THSD7A: variants seen among roughly 807,000 people sequenced by gnomAD.
THSD7A encodes thrombospondin type 1 domain containing 7A, also known as thrombospondin type-1 domain-containing protein 7A.
Under a neutral mutation model 231.3 loss-of-function variants are expected in THSD7A, and 96 were observed. The ratio of observed to expected loss-of-function variants is 0.41; its 90% CI spans 0.35 to 0.49. THSD7A has a LOEUF of 0.49. THSD7A is among the 20% of genes least tolerant of loss of function. THSD7A has a pLI of 0.05. For missense variants in THSD7A, 2,290 were observed against 2,070.2 expected (o/e 1.11, Z -2.06); for synonymous variants, 940 against 743.3 (o/e 1.26, Z -4.30).
intron 4 of THSD7A, among the ~76,000 whole-genome samples, chr7:11,554,852 T>A (rs1008130713): frequency 6.6e-6 from 1 of 151,948 alleles, no homozygotes; most frequent in East Asian, 1.9e-4. Context: ...GATTTTTTTA[T>A]TCTTCCCATG....
rs539595082 is a variant in THSD7A at position 11,542,139 on chromosome 7, C to A, written c.1610-508G>T. On this transcript the variant is annotated intron_variant, in intron 5 of 27. Coordinates refer to ENST00000423059, the MANE Select transcript of THSD7A (RefSeq NM_015204.3). ...AGTTGGATGGTTCCAGAGAAACAAT[C>A]TCTTTGAGGTTCAGTTGATTTTAGA... 2.0e-5 allele frequency among the ~76,000 whole-genome samples: 3 copies of A among 152,292 alleles called. No homozygotes were observed. In the South Asian group the frequency reaches 6.2e-4, roughly 32 times the overall value.
At chr7:11,404,898 C>A (rs996668427) in intron 22 of THSD7A, among the ~76,000 whole-genome samples, 2 of 152,024 alleles carry the variant, frequency 1.3e-5, no homozygotes, top group Non-Finnish European at 2.9e-5. Context: ...AACTTATTCA[C>A]CTTGCATAGC....
intron 2 of THSD7A, among the ~76,000 whole-genome samples, chr7:11,606,039 C>T (rs1176197764): frequency 6.6e-6 from 1 of 152,120 alleles, no homozygotes; most frequent in East Asian, 1.9e-4. Flanking sequence ...GGAAGTCCCA[C>T]TAGTGCAGTG....
At chr7:11,768,888 C>G (rs1204221922) in intron 1 of THSD7A, among the ~76,000 whole-genome samples, 1 of 151,344 alleles carries the variant, frequency 6.6e-6, no homozygotes, top group African/African-American at 2.4e-5. Flanking sequence ...CCAAGCATGC[C>G]ACTCCTTTAT....
At chr7:11,499,786 GAT>G (rs1787256834) in intron 6 of THSD7A, among the ~76,000 whole-genome samples, 1 of 152,138 alleles carries the variant, frequency 6.6e-6, no homozygotes, top group South Asian at 2.1e-4. Flanking sequence ...ATTAAAAAGG[GAT>G]AATCAAAACA....
chr7:11,458,279 A>G (rs1583779304), intron 11 of THSD7A, among the ~76,000 whole-genome samples: 2 of 152,110 alleles, frequency 1.3e-5, no homozygotes, highest in African/African-American at 4.8e-5. Flanking sequence ...TGGAGTTCTG[A>G]AAACAGCCAC....
Position 11,632,658 on chromosome 7 carries a change from A to G in THSD7A, c.1022+3472T>C, listed in dbSNP as rs866100921. ...TGTCCTGTCTTATTTTTTACTTTAAAGAGAATGCTTCTAATGTTTCACAGT... is the reference window on the plus strand; with the variant it reads ...TGTCCTGTCTTATTTTTTACTTTAAGGAGAATGCTTCTAATGTTTCACAGT... On this transcript the variant is annotated intron_variant, in intron 2 of 27. Coordinates refer to ENST00000423059, the MANE Select transcript of THSD7A (RefSeq NM_015204.3). This position sits in a 1 kb window ranked among gnomAD's most constrained non-coding sequence, Gnocchi z 4.1. Among the ~76,000 whole-genome samples, 9 of 152,254 alleles carry G rather than the reference A, an allele frequency of 5.9e-5. No individual in the cohort carries two copies. Among genetic ancestry groups the G allele is most frequent in the Middle Eastern group, 3.4e-3 (1 of 294 alleles).
In THSD7A at chr7:11,686,837, G is replaced by A. The variant is rs189791820; in HGVS notation, c.191-49876C>T. ...TAAAAACTGAAGACCACTAGATGGG[G>A]GAAAGGGTTGGAAATGTTACAATTG... is the stretch of plus-strand genomic sequence containing the variant. On this transcript the variant is annotated intron_variant, in intron 1 of 27. Coordinates refer to ENST00000423059, the MANE Select transcript of THSD7A (RefSeq NM_015204.3). Among the ~76,000 whole-genome samples, 406 of 151,824 alleles carry A rather than the reference G, an allele frequency of 2.7e-3. 1 individual carries two copies. Among genetic ancestry groups the A allele is most frequent in the Admixed American group, 2.3e-3 (35 of 15,170 alleles).
At chr7:11,439,997 CA>C (rs1784753428) in intron 13 of THSD7A, among the ~76,000 whole-genome samples, 1 of 151,904 alleles carries the variant, frequency 6.6e-6, no homozygotes, top group Admixed American at 6.6e-5. Flanking sequence ...TGGCTGGCTT[CA>C]AAATTTCAAG....
rs3037680 is a variant in THSD7A, at chr7:11,758,010, C to CATATATATATATATATATAT, written c.190+73727_190+73746dup. ...CTAACATTATATATACATATGCATTCATATATATATATATATATATATATA... is the reference window on the plus strand; with the variant it reads ...CTAACATTATATATACATATGCATTCATATATATATATATATATATATATATATATATATATATATATATA... On this transcript the variant is annotated intron_variant, in intron 1 of 27. Transcript: ENST00000423059. 4.9e-5 allele frequency among the ~76,000 whole-genome samples: 7 copies of CATATATATATATATATATAT among 142,822 alleles called. No individual in the cohort carries two copies. In the South Asian group the frequency reaches 6.7e-4, roughly 14 times the overall value. The allele number at this position is 142,822 out of a possible 152,430, so 93.7% of individuals were successfully genotyped here.
intron 1 of THSD7A, among the ~76,000 whole-genome samples, chr7:11,670,019 ATG>A (rs1783313988): frequency 6.6e-6 from 1 of 152,074 alleles, no homozygotes; most frequent in Non-Finnish European, 1.5e-5. Context: ...GCTTGTAAAT[ATG>A]TGTGTGCTAC....
intron 23 of THSD7A, among the ~76,000 whole-genome samples, chr7:11,399,928 T>C (rs1444255953): frequency 6.6e-6 from 1 of 151,972 alleles, no homozygotes; most frequent in Non-Finnish European, 1.5e-5. Flanking sequence ...CCATCAATGA[T>C]AGACTGGATT....
chr7:11,678,524 G>T (rs1410729388), intron 1 of THSD7A, among the ~76,000 whole-genome samples: 4 of 152,068 alleles, frequency 2.6e-5, no homozygotes, highest in Non-Finnish European at 4.4e-5. Context: ...TATCACCACT[G>T]ATCCCACAGA....
At chr7:11,684,612 C>T (rs1162860757) in intron 1 of THSD7A, among the ~76,000 whole-genome samples, 1 of 151,784 alleles carries the variant, frequency 6.6e-6, no homozygotes, top group Non-Finnish European at 1.5e-5. Flanking sequence ...GAAACCAAAT[C>T]AAGAATGCAA....
chr7:11,665,265 C>A (rs1783085488), intron 1 of THSD7A, among the ~76,000 whole-genome samples: 1 of 152,056 alleles, frequency 6.6e-6, no homozygotes, highest in African/African-American at 2.4e-5. Context: ...TTTTTAATTT[C>A]CACTGAAAAT....
chr7:11,750,488 T>C (rs1032834203), intron 1 of THSD7A, among the ~76,000 whole-genome samples: 9 of 152,138 alleles, frequency 5.9e-5, no homozygotes, highest in African/African-American at 1.7e-4. Context: ...ATTGTAACAT[T>C]GGTCCTGAAA....
intron 9 of THSD7A, among the ~76,000 whole-genome samples, chr7:11,466,979 C>T (rs1403681683): frequency 6.6e-6 from 1 of 152,072 alleles, no homozygotes; most frequent in Admixed American, 6.6e-5. Context: ...ATCACCCGGA[C>T]CCACAGCACT....
At chr7:11,656,214 T>C (rs916079139) in intron 1 of THSD7A, among the ~76,000 whole-genome samples, 2 of 151,938 alleles carry the variant, frequency 1.3e-5, no homozygotes, top group Non-Finnish European at 2.9e-5. Flanking sequence ...TATTAAGGAA[T>C]TAAGAGTGAA....
intron 1 of THSD7A, among the ~76,000 whole-genome samples, chr7:11,682,229 A>C (rs1034124552): frequency 6.6e-6 from 1 of 152,140 alleles, no homozygotes; most frequent in Non-Finnish European, 1.5e-5. Context: ...TAATAACACC[A>C]CGACAAAACT....
Sources: gnomAD v4.1 joint callset for allele counts (sites outside exome capture counted in the v4.1 genomes callset) on GRCh38, gnomAD v4.1.1 for gene constraint, Gnocchi (gnomAD v3.1) non-coding constraint, MANE v1.5 for transcripts, NCBI Gene and HGNC (gene_info 2026-07-23, HGNC 2026-07-21) for gene names.